The following CUL3 variants were observed in gnomAD, a reference collection of about 807,000 sequenced individuals.
The protein encoded by CUL3 is cullin 3, also known as cullin-3.
CUL3 carries 19 observed loss-of-function variants against 89.1 expected under a neutral mutation model. The ratio of observed to expected loss-of-function variants is 0.21; its 90% CI spans 0.15 to 0.31. The LOEUF (loss-of-function observed/expected upper bound fraction) is 0.31, where lower values mean the gene tolerates loss of function less well. Ranked by LOEUF, CUL3 falls within the 10% of genes least tolerant of loss-of-function variation. CUL3 has a pLI of 1.00. For synonymous variants in CUL3, 351 were observed against 308.4 expected (o/e 1.14, Z -1.45); for missense variants, 469 against 942.3 (o/e 0.50, Z 6.58).
At chr2:224,542,474 C>T (rs1011559493) in intron 2 of CUL3, among the ~76,000 whole-genome samples, 11 of 150,404 alleles carry the variant, frequency 7.3e-5, no homozygotes, top group Admixed American at 2.0e-4. Context: ...TTCAGCAGCA[C>T]GCGCCAGCAC....
intron 13 of CUL3, among the ~76,000 whole-genome samples, chr2:224,486,001 A>G (rs1691706356): frequency 6.6e-6 from 1 of 152,278 alleles, no homozygotes; most frequent in Non-Finnish European, 1.5e-5. Context: ...AAACTGCAGC[A>G]GACCTGCAGA....
chr2:224,582,014 G>C (rs1204318556), intron 1 of CUL3, among the ~76,000 whole-genome samples: 1 of 152,026 alleles, frequency 6.6e-6, no homozygotes, highest in African/African-American at 2.4e-5. Flanking sequence ...GCCCAGGCTG[G>C]AGTGCAATGG....
At chr2:224,523,690 TAAAC>T (rs775534034) in intron 3 of CUL3, among the ~76,000 whole-genome samples, 6 of 152,136 alleles carry the variant, frequency 3.9e-5, no homozygotes, top group Admixed American at 1.3e-4. Context: ...GATGAACAGA[TAAAC>T]AAAATGTGGT....
chr2:224,515,707 T>G (rs1301437670), intron 3 of CUL3, among the ~76,000 whole-genome samples: 1 of 152,044 alleles, frequency 6.6e-6, no homozygotes, highest in African/African-American at 2.4e-5. Flanking sequence ...TTTTTTTTTT[T>G]TTGAGATGGA....
intron 3 of CUL3, among the ~76,000 whole-genome samples, chr2:224,516,913 G>A (rs999704844): frequency 6.6e-6 from 1 of 152,062 alleles, no homozygotes; most frequent in Admixed American, 6.5e-5. Context: ...CCAAAGTGCT[G>A]GGATTACAGG....
At chr2:224,545,879 T>C (rs1357190183) in intron 2 of CUL3, among the ~76,000 whole-genome samples, 1 of 152,224 alleles carries the variant, frequency 6.6e-6, no homozygotes, top group Non-Finnish European at 1.5e-5. Flanking sequence ...GATAATTTGC[T>C]ACGTGTTGAA....
At chr2:224,521,592 G>A (rs1478969941) in intron 3 of CUL3, among the ~76,000 whole-genome samples, 8 of 151,846 alleles carry the variant, frequency 5.3e-5, no homozygotes, top group South Asian at 2.1e-4. Flanking sequence ...CACCATGCCC[G>A]GCTAATTTTT....
intron 3 of CUL3, among the ~76,000 whole-genome samples, chr2:224,517,647 C>T (rs1287907085): frequency 1.3e-5 from 2 of 152,184 alleles, no homozygotes; most frequent in African/African-American, 4.8e-5. Context: ...GCCTGGATGA[C>T]ACAGCAAGAC....
chr2:224,474,637 T>C (rs1013360119), intron 15 of CUL3: 1 of 352,736 alleles, frequency 2.8e-6, no homozygotes, highest in Admixed American at 4.1e-5. Context: ...AGTGTGAGCA[T>C]ATGCCACCTA....
chr2:224,582,739 T>C (rs1427638796), intron 1 of CUL3, among the ~76,000 whole-genome samples: 1 of 152,158 alleles, frequency 6.6e-6, no homozygotes, highest in Non-Finnish European at 1.5e-5. Context: ...AAAGGAATAA[T>C]GAAATTCTCT....
At chr2:224,513,001 G>A (rs989026269) in intron 5 of CUL3, among the ~76,000 whole-genome samples, 3 of 152,124 alleles carry the variant, frequency 2.0e-5, no homozygotes, top group South Asian at 2.1e-4. Flanking sequence ...ATATGAAGGC[G>A]AGGATGAAGA....
chr2:224,478,421 A>G, intron 14 of CUL3, 76 bp from the exon 15 acceptor site: 1 of 1,449,382 alleles, frequency 6.9e-7, no homozygotes, highest in South Asian at 1.3e-5. Flanking sequence ...TTATAATTCA[A>G]TGTAATCCAC....
intron 1 of CUL3, among the ~76,000 whole-genome samples, chr2:224,567,199 T>C (rs1695062386): frequency 6.6e-6 from 1 of 152,164 alleles, no homozygotes; most frequent in Non-Finnish European, 1.5e-5. Flanking sequence ...AGATGATTAG[T>C]CACAAGGTGT....
intron 2 of CUL3, among the ~76,000 whole-genome samples, chr2:224,551,368 G>A (rs931187855): frequency 6.6e-5 from 10 of 152,038 alleles, no homozygotes; most frequent in African/African-American, 2.4e-4. Flanking sequence ...ACCACGTCCG[G>A]CTCATTTTTT....
chr2:224,512,177 G>C (rs1381814577), intron 5 of CUL3, among the ~76,000 whole-genome samples: 1 of 151,472 alleles, frequency 6.6e-6, no homozygotes, highest in Non-Finnish European at 1.5e-5. Flanking sequence ...CTCACTGCAA[G>C]CTCCACCTCC....
chr2:224,575,431 T>C (rs1317370508), intron 1 of CUL3, among the ~76,000 whole-genome samples: 1 of 152,176 alleles, frequency 6.6e-6, no homozygotes, highest in Admixed American at 6.5e-5. Flanking sequence ...CTGCTATTTC[T>C]GGCCTTGTTC....
chr2:224,480,498 A>C (rs1365524508), intron 14 of CUL3, among the ~76,000 whole-genome samples: 1 of 152,242 alleles, frequency 6.6e-6, no homozygotes, highest in Non-Finnish European at 1.5e-5. Context: ...TGTTTTGAAC[A>C]TACCTAAAAC....
At chr2:224,486,225 C>A (rs1191323747) in intron 13 of CUL3, among the ~76,000 whole-genome samples, 1 of 152,128 alleles carries the variant, frequency 6.6e-6, no homozygotes, top group African/African-American at 2.4e-5. Context: ...GATCAGAACT[C>A]CTCGCCAGCA....
At position 224,584,468 on chromosome 2, in the gene CUL3, G is replaced by A. The variant is rs536948058; in HGVS notation, c.66+476C>T. ...GGTTGATGGCATAGACCTTCCTGGG[G>A]AGGGGGGCAGAGAGAGAGGGCAGCC... On this transcript the variant is annotated intron_variant, in intron 1 of 15. Coordinates refer to ENST00000264414, the MANE Select transcript of CUL3 (RefSeq NM_003590.5). Among the ~76,000 whole-genome samples, 34 of 152,292 alleles carry A rather than the reference G, an allele frequency of 2.2e-4. No individual in the cohort carries two copies. The East Asian group carries it at 6.4e-3, about 29-fold the overall frequency.
Sources: allele counts gnomAD v4.1 joint callset (sites outside exome capture counted in the v4.1 genomes callset), GRCh38; gene constraint gnomAD v4.1.1; transcripts MANE v1.5; gene names NCBI Gene and HGNC (gene_info 2026-07-23, HGNC 2026-07-21).